Variants in CAMK2D observed in about 807,000 individuals in gnomAD.
CAMK2D encodes the protein calcium/calmodulin-dependent protein kinase type II subunit delta.
A neutral mutation model predicts 84.0 loss-of-function variants in CAMK2D; 37 were observed. The observed-to-expected ratio is 0.44, with a 90% CI of 0.34 to 0.58. The LOEUF (loss-of-function observed/expected upper bound fraction) is 0.58. CAMK2D is among the 20% of genes least tolerant of loss of function. The pLI is 0.02. For synonymous variants in CAMK2D, 202 were observed against 212.5 expected, an observed-to-expected ratio of 0.95 and a Z score of 0.43; for missense variants, 448 against 652.5, an observed-to-expected ratio of 0.69 and a Z score of 3.41.
intron 6 of CAMK2D, among the ~76,000 whole-genome samples, chr4:113,538,556 C>T (rs2098508920): frequency 6.6e-6 from 1 of 152,128 alleles, no homozygotes; most frequent in Non-Finnish European, 1.5e-5. Context: ...AATGCCAAAA[C>T]GATTGTCTGA....
At chr4:113,535,235 C>T (rs1449537172) in intron 7 of CAMK2D, among the ~76,000 whole-genome samples, 2 of 152,090 alleles carry the variant, frequency 1.3e-5, no homozygotes, top group Non-Finnish European at 2.9e-5. Flanking sequence ...ACACAGGACT[C>T]GAGTCCTGTC....
At chr4:113,615,308 T>C (rs1216005444) in intron 3 of CAMK2D, among the ~76,000 whole-genome samples, 1 of 152,006 alleles carries the variant, frequency 6.6e-6, no homozygotes, top group East Asian at 1.9e-4. Flanking sequence ...TATATCTACA[T>C]ACACTTTTTT....
At chr4:113,560,449 T>A (rs1007215887) in intron 4 of CAMK2D, among the ~76,000 whole-genome samples, 1 of 152,262 alleles carries the variant, frequency 6.6e-6, no homozygotes, top group Admixed American at 6.5e-5. Flanking sequence ...AAATAAAAAA[T>A]TATGTTCCTG....
chr4:113,566,669 G>A (rs2098725655), intron 4 of CAMK2D, among the ~76,000 whole-genome samples: 1 of 152,028 alleles, frequency 6.6e-6, no homozygotes. Flanking sequence ...TGCCACACTG[G>A]CCTTTGTTCT....
chr4:113,648,419 T>C (rs1272371553), intron 3 of CAMK2D, among the ~76,000 whole-genome samples: 1 of 152,246 alleles, frequency 6.6e-6, no homozygotes, highest in Non-Finnish European at 1.5e-5. Context: ...ATGCTCTCAC[T>C]ATCCCATACA....
chr4:113,572,064 C>A (rs1432366394), intron 4 of CAMK2D, among the ~76,000 whole-genome samples: 1 of 143,590 alleles, frequency 7.0e-6, no homozygotes, highest in African/African-American at 2.7e-5. Context: ...AACATGAAAA[C>A]AGTTTTCATA....
At chr4:113,746,488 C>T (rs1280658911) in intron 2 of CAMK2D, among the ~76,000 whole-genome samples, 1 of 152,044 alleles carries the variant, frequency 6.6e-6, no homozygotes, top group Non-Finnish European at 1.5e-5. Context: ...ATGGAGGATA[C>T]AGTGTTGCAG....
chr4:113,584,804 C>A (rs889858914), intron 4 of CAMK2D, among the ~76,000 whole-genome samples: 1 of 152,010 alleles, frequency 6.6e-6, no homozygotes, highest in African/African-American at 2.4e-5. Context: ...TCCAAAAGAA[C>A]ACAATAGCTA....
At chr4:113,568,284 A>T (rs1189066555) in intron 4 of CAMK2D, among the ~76,000 whole-genome samples, 1 of 152,092 alleles carries the variant, frequency 6.6e-6, no homozygotes, top group African/African-American at 2.4e-5. Flanking sequence ...TTTCCCTATG[A>T]ATTTGCCTAT....
intron 2 of CAMK2D, among the ~76,000 whole-genome samples, chr4:113,683,129 A>G (rs1393435927): frequency 6.6e-6 from 1 of 152,240 alleles, no homozygotes; most frequent in Non-Finnish European, 1.5e-5. Context: ...TTTAAACACA[A>G]CTAATATGTG....
chr4:113,751,012 T>G (rs1434792130), intron 2 of CAMK2D, among the ~76,000 whole-genome samples: 2 of 152,078 alleles, frequency 1.3e-5, no homozygotes, highest in African/African-American at 4.8e-5. Context: ...AGAGAAACTG[T>G]GTCTCAAAAC....
At chr4:113,658,168 G>T (rs1250066955) in intron 3 of CAMK2D, among the ~76,000 whole-genome samples, 2 of 152,202 alleles carry the variant, frequency 1.3e-5, no homozygotes, top group East Asian at 1.9e-4. Flanking sequence ...CTCCTCCTTT[G>T]TTGGCTGTTG....
At chr4:113,687,444 C>T (rs1261582464) in intron 2 of CAMK2D, among the ~76,000 whole-genome samples, 1 of 152,162 alleles carries the variant, frequency 6.6e-6, no homozygotes. Context: ...GATGGCTTAA[C>T]CAACTAGCAT....
intron 16 of CAMK2D, among the ~76,000 whole-genome samples, chr4:113,492,452 T>C (rs2154140254): frequency 6.6e-6 from 1 of 152,370 alleles, no homozygotes; most frequent in Admixed American, 6.5e-5. Flanking sequence ...TTGAGCGGTT[T>C]TGAGTGAGAT....
chr4:113,512,101 A>G (rs148632609), intron 12 of CAMK2D, among the ~76,000 whole-genome samples: 1 of 152,334 alleles, frequency 6.6e-6, no homozygotes, highest in Non-Finnish European at 1.5e-5. Flanking sequence ...TATCCAAACT[A>G]AACTGGTAGT....
chr4:113,588,352 T>C (rs548360814), intron 4 of CAMK2D, among the ~76,000 whole-genome samples: 1 of 152,286 alleles, frequency 6.6e-6, no homozygotes, highest in African/African-American at 2.4e-5. Context: ...TTAAGCATCA[T>C]AATAATAAAG....
At chr4:113,619,150 T>C (rs755897138) in intron 3 of CAMK2D, among the ~76,000 whole-genome samples, 26 of 150,926 alleles carry the variant, frequency 1.7e-4, no homozygotes, top group Admixed American at 3.9e-4. Flanking sequence ...AGGTAATTCT[T>C]GACCCTTTCT....
At chr4:113,655,350 G>A (rs187505591) in intron 3 of CAMK2D, among the ~76,000 whole-genome samples, 30 of 152,150 alleles carry the variant, frequency 2.0e-4, no homozygotes, top group African/African-American at 6.7e-4. Context: ...TAGTGGGTAG[G>A]AAAGCCAGTA....
At chr4:113,507,140 G>GTTAT (rs1436976498) in intron 13 of CAMK2D, among the ~76,000 whole-genome samples, 1 of 152,036 alleles carries the variant, frequency 6.6e-6, no homozygotes, top group Non-Finnish European at 1.5e-5. Context: ...ATCTTTTGCA[G>GTTAT]TTATTTATAA....
Sources: allele counts gnomAD v4.1 joint callset (sites outside exome capture counted in the v4.1 genomes callset), GRCh38; gene constraint gnomAD v4.1.1; transcripts MANE v1.5; gene names NCBI Gene and HGNC (gene_info 2026-07-23, HGNC 2026-07-21).